SRC: variants seen among roughly 807,000 people sequenced by gnomAD.
SRC encodes SRC proto-oncogene, non-receptor tyrosine kinase, also known as proto-oncogene tyrosine-protein kinase Src.
Under a neutral mutation model 62.9 loss-of-function variants are expected in SRC, and 13 were observed. The ratio of observed to expected loss-of-function variants is 0.21; its 90% CI spans 0.13 to 0.33. The LOEUF is 0.33. Among genes scored for constraint, SRC ranks in the 10% least tolerant of loss-of-function variants. The probability of loss-of-function intolerance (pLI) is 1.00; values close to 1 mark genes in which losing one functional copy is unlikely to be tolerated. For missense variants in SRC, 457 were observed against 737.3 expected (o/e 0.62, Z 4.40); for synonymous variants, 302 against 317.5 (o/e 0.95, Z 0.52).
chr20:37,393,839 G>C, intron 5 of SRC, 56 bp from the exon 6 acceptor site: 1 of 1,379,420 alleles, frequency 7.2e-7, no homozygotes, highest in Non-Finnish European at 1.0e-6. Context: ...GGTGGGCACC[G>C]GGCTTGTGGC....
intron 1 of SRC, among the ~76,000 whole-genome samples, chr20:37,350,432 G>A (rs897705668): frequency 1.3e-5 from 2 of 152,218 alleles, no homozygotes; most frequent in Admixed American, 1.3e-4. Flanking sequence ...CCTAGGGCTT[G>A]TACCTGGTAA....
At chr20:37,376,311 T>C (rs2070277534) in intron 2 of SRC, among the ~76,000 whole-genome samples, 1 of 152,222 alleles carries the variant, frequency 6.6e-6, no homozygotes, top group African/African-American at 2.4e-5. Context: ...ACAGAAATCA[T>C]AATAATAGCC....
chr20:37,401,386 A>C (rs2070735168), intron 10 of SRC, among the ~76,000 whole-genome samples: 1 of 152,046 alleles, frequency 6.6e-6, no homozygotes, highest in Non-Finnish European at 1.5e-5. Flanking sequence ...AGCACAGTTT[A>C]CCTGTTCACC....
intron 7 of SRC, among the ~76,000 whole-genome samples, chr20:37,395,222 G>C (rs1408279377): frequency 6.6e-6 from 1 of 152,248 alleles, no homozygotes; most frequent in African/African-American, 2.4e-5. Context: ...GTGACCCCAG[G>C]CTGGCCACTT....
At chr20:37,363,204 C>A (rs976334190) in intron 1 of SRC, among the ~76,000 whole-genome samples, 2 of 152,216 alleles carry the variant, frequency 1.3e-5, no homozygotes, top group Non-Finnish European at 2.9e-5. Flanking sequence ...CTCCCAGGGG[C>A]CTGAGAAAAG....
chr20:37,353,005 A>G (rs1275562649), intron 1 of SRC, among the ~76,000 whole-genome samples: 1 of 152,068 alleles, frequency 6.6e-6, no homozygotes, highest in Non-Finnish European at 1.5e-5. Context: ...GCCCTTCCTC[A>G]TGGCTCTGAC....
intron 2 of SRC, among the ~76,000 whole-genome samples, chr20:37,377,496 A>T (rs1753293523): frequency 6.6e-6 from 1 of 152,220 alleles, no homozygotes; most frequent in Non-Finnish European, 1.5e-5. Flanking sequence ...GTGGTGGCTG[A>T]ACAGCAGTGT....
chr20:37,376,437 G>A (rs2070279726), intron 2 of SRC, among the ~76,000 whole-genome samples: 1 of 152,146 alleles, frequency 6.6e-6, no homozygotes, highest in African/African-American at 2.4e-5. Context: ...ATTTCCCAAG[G>A]CTGCATGGTT....
At position 37,386,359 on chromosome 20, in the gene SRC, C is replaced by G. The variant is rs540023674; in HGVS notation, c.350+185C>G. ...CCTGGGCAGCACCTGCTGTTGCTCC[C>G]CCAGCCATGGGGAACTCCTCCCAAT... On this transcript the variant is annotated intron_variant, in intron 5 of 13. Coordinates refer to ENST00000373578, the MANE Select transcript of SRC (RefSeq NM_198291.3). 38 of 727,998 alleles carry G rather than the reference C, an allele frequency of 5.2e-5. No homozygotes were observed. In the East Asian group the frequency reaches 9.6e-4, roughly 18 times the overall value. The allele number at this position is 727,998 out of a possible 1,614,324, so 45.1% of individuals were successfully genotyped here. A position where few individuals can be genotyped will look rare whatever the true frequency, so the allele number is the denominator to read the frequency against.
chr20:37,397,449 A>G lies in SRC; in HGVS notation c.704-250A>G, dbSNP rs919170919. Among the ~76,000 whole-genome samples, 2 of 152,140 alleles carry G rather than the reference A, an allele frequency of 1.3e-5. No individual in the cohort carries two copies. The highest frequency in any genetic ancestry group is 2.4e-5 in the African/African-American group (1 of 41,420). ...TTCCCTGGACATGTTCCCTCCCCGC[A>G]GGGTTCCTGGCACCCCCTACTGTCT... On this transcript the variant is annotated intron_variant, in intron 8 of 13. Coordinates refer to ENST00000373578, the MANE Select transcript of SRC (RefSeq NM_198291.3). This position sits in a 1 kb window ranked among gnomAD's most constrained non-coding sequence, Gnocchi z 4.1.
chr20:37,405,230 CTTT>C lies in SRC; in HGVS notation c.*1862_*1864del, dbSNP rs11479944. On this transcript the variant is annotated 3_prime_UTR_variant, in exon 14 of 14. Coordinates refer to ENST00000373578, the MANE Select transcript of SRC (RefSeq NM_198291.3). Reference sequence around the variant, plus strand: ...TTGTGTAAGGTGTCTTAATACTGTCCTTTTTTTTTTTTTAACAGTGTTTTGTAG... The same window carrying C: ...TTGTGTAAGGTGTCTTAATACTGTCCTTTTTTTTTTAACAGTGTTTTGTAG... 2,895 of 193,536 alleles carry C rather than the reference CTTT, an allele frequency of 0.015. 79 individuals carry two copies. The highest frequency in any genetic ancestry group is 0.066 in the African/African-American group (2,685 of 40,804). The allele number at this position is 193,536 out of a possible 1,614,324, so 12.0% of individuals were successfully genotyped here.
intron 5 of SRC, 82 bp downstream of exon 5, chr20:37,386,256 T>C: frequency 1.5e-6 from 2 of 1,352,334 alleles, no homozygotes; most frequent in Non-Finnish European, 2.1e-6. Flanking sequence ...GGATCTGGCA[T>C]CAGGGCAGCA....
chr20:37,394,768 G>A (rs1223675484), intron 7 of SRC, among the ~76,000 whole-genome samples: 2 of 152,160 alleles, frequency 1.3e-5, no homozygotes, highest in African/African-American at 2.4e-5. Context: ...GGTTGCAGGC[G>A]CCCGTCACCA....
At chr20:37,379,755 G>A (rs2070333162) in intron 2 of SRC, among the ~76,000 whole-genome samples, 1 of 150,024 alleles carries the variant, frequency 6.7e-6, no homozygotes, top group Admixed American at 6.6e-5. Context: ...AATTAGCCAG[G>A]CGTGGTATTC....
chr20:37,346,385 C>T (rs555354927), intron 1 of SRC, 130 bp downstream of exon 1: 24 of 151,474 alleles, frequency 1.6e-4, no homozygotes, highest in African/African-American at 3.6e-4. Flanking sequence ...TCCCACCCCC[C>T]CTCCGGGCCA....
intron 2 of SRC, among the ~76,000 whole-genome samples, chr20:37,366,596 A>C (rs1205725952): frequency 6.6e-6 from 1 of 152,202 alleles, no homozygotes; most frequent in Non-Finnish European, 1.5e-5. Context: ...AGATTTGCCT[A>C]TTCTGGACAT....
chr20:37,353,307 C>T (rs112370115), intron 1 of SRC, among the ~76,000 whole-genome samples: 4 of 152,044 alleles, frequency 2.6e-5, no homozygotes, highest in African/African-American at 9.7e-5. Flanking sequence ...AGTCTGGGAC[C>T]CCTCTCCCAG....
At position 37,402,921 on chromosome 20, in the gene SRC, C is replaced by A; in HGVS notation, c.1402+41C>A. ...TGGCCTGTCTGTGGTCCCTGAATCC[C>A]TCTGCCCTGGTGGCCTTGGGCAAGT... On this transcript the variant is annotated intron_variant, in intron 13 of 13. Transcript: ENST00000373578. This position sits in a 1 kb window ranked among gnomAD's most constrained non-coding sequence, Gnocchi z 6.2. 1 of 1,590,886 alleles carries A rather than the reference C, an allele frequency of 6.3e-7. No individual in the cohort carries two copies. Among genetic ancestry groups the A allele is most frequent in the Non-Finnish European group, 8.6e-7 (1 of 1,168,998 alleles).
chr20:37,377,654 C>A (rs1444865445), intron 2 of SRC, among the ~76,000 whole-genome samples: 5 of 152,160 alleles, frequency 3.3e-5, no homozygotes, highest in South Asian at 2.1e-4. Context: ...GCCATGTGGA[C>A]CCAGGTGATG....
Sources: gnomAD v4.1 joint callset for allele counts (sites outside exome capture counted in the v4.1 genomes callset) on GRCh38, gnomAD v4.1.1 for gene constraint, Gnocchi (gnomAD v3.1) non-coding constraint, MANE v1.5 for transcripts, NCBI Gene and HGNC (gene_info 2026-07-23, HGNC 2026-07-21) for gene names.